Variants in CNTN5 observed in about 807,000 individuals in gnomAD.
CNTN5 encodes the protein contactin-5.
CNTN5 carries 77 observed loss-of-function variants against 129.1 expected under a neutral mutation model. The ratio of observed to expected loss-of-function variants is 0.60; its 90% confidence interval spans 0.50 to 0.72. The LOEUF (loss-of-function observed/expected upper bound fraction) is 0.72. Among genes scored for constraint, CNTN5 ranks in the 30% least tolerant of loss-of-function variants. The pLI, the probability that CNTN5 is intolerant of heterozygous loss-of-function variation, is 0.00. For missense variants in CNTN5, 1,478 were observed against 1,328.8 expected (o/e 1.11, Z -1.75); for synonymous variants, 509 against 465.6 (o/e 1.09, Z -1.20).
At chr11:99,099,519 C>T (rs140507956) in intron 1 of CNTN5, among the ~76,000 whole-genome samples, 28 of 149,656 alleles carry the variant, frequency 1.9e-4, no homozygotes, top group East Asian at 1.2e-3. Flanking sequence ...ACCCCAGGAA[C>T]GTCTTTACAG....
chr11:99,931,278 G>A lies in CNTN5; in HGVS notation c.673+15129G>A, dbSNP rs928062020. ...ATATCACTAGAAAGGAAAACTCAAT[G>A]TGTTTCAGAGTCTTTAGTTTTTTAA... On this transcript the variant is annotated intron_variant, in intron 7 of 24. Transcript: ENST00000524871. Among the ~76,000 whole-genome samples the A allele has an allele frequency of 9.9e-5, 15 of 152,264 alleles. No individual in the cohort carries two copies. In the East Asian group the frequency reaches 2.9e-3, roughly 29 times the overall value.
intron 3 of CNTN5, among the ~76,000 whole-genome samples, chr11:99,800,167 G>A (rs1019839895): frequency 1.3e-5 from 2 of 151,686 alleles, no homozygotes; most frequent in African/African-American, 2.4e-5. Context: ...TTGTGTCAGT[G>A]TTTTCATTTA....
chr11:99,688,273 C>G (rs978743244), intron 3 of CNTN5, among the ~76,000 whole-genome samples: 1 of 152,116 alleles, frequency 6.6e-6, no homozygotes, highest in African/African-American at 2.4e-5. Flanking sequence ...AACTCTTAGC[C>G]TTAAGTGAGT....
intron 1 of CNTN5, among the ~76,000 whole-genome samples, chr11:99,041,947 T>C (rs1435437563): frequency 1.3e-5 from 2 of 152,214 alleles, no homozygotes; most frequent in Admixed American, 1.3e-4. Context: ...ACTTTGCACC[T>C]GTTGCTCCAT....
chr11:99,792,573 G>GTGTGTGTGTGTGTGTGTGTGTGTGTC (rs34622017), intron 3 of CNTN5, among the ~76,000 whole-genome samples: 2 of 116,610 alleles, frequency 1.7e-5, no homozygotes, highest in African/African-American at 7.4e-5. Flanking sequence ...GTGTGTGTGT[G>GTGTGTGTGTGTGTGTGTGTGTGTGTC]TGTCTGTCTG....
At chr11:99,056,725 T>C (rs1005236739) in intron 1 of CNTN5, among the ~76,000 whole-genome samples, 30 of 152,064 alleles carry the variant, frequency 2.0e-4, no homozygotes, top group African/African-American at 6.5e-4. Context: ...TTCATTGACT[T>C]GGGGAATACA....
chr11:99,701,719 G>C (rs1446249383), intron 3 of CNTN5, among the ~76,000 whole-genome samples: 1 of 150,754 alleles, frequency 6.6e-6, no homozygotes, highest in African/African-American at 2.4e-5. Context: ...TAATAAACCT[G>C]TACTGCTTTC....
At chr11:99,490,323 C>T (rs1229679411) in intron 2 of CNTN5, among the ~76,000 whole-genome samples, 1 of 152,100 alleles carries the variant, frequency 6.6e-6, no homozygotes, top group Non-Finnish European at 1.5e-5. Flanking sequence ...TTTTTCTCCA[C>T]ACCATGATTC....
At chr11:100,092,055 T>C (rs1043442804) in intron 13 of CNTN5, among the ~76,000 whole-genome samples, 1 of 152,098 alleles carries the variant, frequency 6.6e-6, no homozygotes, top group Non-Finnish European at 1.5e-5. Flanking sequence ...ATCATATTAT[T>C]ATGACTACTT....
chr11:99,645,303 T>C (rs1478488426), intron 3 of CNTN5, among the ~76,000 whole-genome samples: 2 of 140,098 alleles, frequency 1.4e-5, no homozygotes. Flanking sequence ...AGAAAAAGCC[T>C]ATGAATTTCT....
At position 99,037,872 on chromosome 11, in the gene CNTN5, T is replaced by C. The variant is rs568452207; in HGVS notation, c.-210+16602T>C. On this transcript the variant is annotated intron_variant, in intron 1 of 24. Transcript: ENST00000524871. Reference sequence around the variant, plus strand: ...CCACTGTGCCTGGCCAGGACATCTCTTTACAAAAATTACTTTTCCTATCAG... The same window carrying C: ...CCACTGTGCCTGGCCAGGACATCTCCTTACAAAAATTACTTTTCCTATCAG... 4.6e-5 allele frequency among the ~76,000 whole-genome samples: 7 copies of C among 152,196 alleles called. No homozygotes were observed. In the South Asian group the frequency reaches 1.5e-3, roughly 32 times the overall value.
chr11:99,431,898 G>T (rs1231924923), intron 2 of CNTN5, among the ~76,000 whole-genome samples: 1 of 152,086 alleles, frequency 6.6e-6, no homozygotes, highest in African/African-American at 2.4e-5. Flanking sequence ...GTGAGGACTT[G>T]AGTATTTAAA....
intron 1 of CNTN5, among the ~76,000 whole-genome samples, chr11:99,113,664 A>G (rs145263720): frequency 6.6e-6 from 1 of 152,226 alleles, no homozygotes; most frequent in African/African-American, 2.4e-5. Context: ...AGTCATATTT[A>G]TGTCCTTGAA....
intron 9 of CNTN5, among the ~76,000 whole-genome samples, chr11:100,055,613 C>G (rs371010641): frequency 2.6e-4 from 40 of 151,560 alleles, no homozygotes; most frequent in African/African-American, 9.2e-4. Context: ...CATAATTGTT[C>G]CAACATCTTT....
chr11:99,095,663 A>T (rs751612680), intron 1 of CNTN5, among the ~76,000 whole-genome samples: 1 of 151,898 alleles, frequency 6.6e-6, no homozygotes, highest in Non-Finnish European at 1.5e-5. Flanking sequence ...GCCTGTGTAT[A>T]GTGGTAGAAG....
intron 7 of CNTN5, among the ~76,000 whole-genome samples, chr11:99,945,489 C>CGTGTGTGT (rs3990615): frequency 0.033 from 4,873 of 148,954 alleles, 86 homozygotes; most frequent in Middle Eastern, 0.048. Context: ...AACCTCTGTG[C>CGTGTGTGT]GTGTGTGTGT....
chr11:99,446,472 C>T (rs1331224937), intron 2 of CNTN5, among the ~76,000 whole-genome samples: 2 of 152,064 alleles, frequency 1.3e-5, no homozygotes, highest in African/African-American at 2.4e-5. Context: ...TGACTTTTAC[C>T]TGCAAATTTT....
At chr11:99,382,845 C>CATTTTTT (rs1417732458) in intron 2 of CNTN5, among the ~76,000 whole-genome samples, 1 of 77,032 alleles carries the variant, frequency 1.3e-5, no homozygotes, top group Non-Finnish European at 2.1e-5. Context: ...CTCTAAATAA[C>CATTTTTT]TTTTTTTTTT....
intron 18 of CNTN5, among the ~76,000 whole-genome samples, chr11:100,291,032 G>C (rs1260715108): frequency 6.7e-6 from 1 of 149,240 alleles, no homozygotes; most frequent in South Asian, 2.1e-4. Flanking sequence ...GGCCATCAGA[G>C]AAATGCAAAT....
Sources: gnomAD v4.1 joint callset for allele counts (sites outside exome capture counted in the v4.1 genomes callset) on GRCh38, gnomAD v4.1.1 for gene constraint, MANE v1.5 for transcripts, NCBI Gene and HGNC (gene_info 2026-07-23, HGNC 2026-07-21) for gene names.